The following KDM1B variants were observed in gnomAD, a reference collection of about 807,000 sequenced individuals.
The protein encoded by KDM1B is lysine demethylase 1B.
KDM1B carries 63 observed loss-of-function variants against 107.4 expected under a neutral mutation model. The ratio of observed to expected loss-of-function variants is 0.59; its 90% CI spans 0.48 to 0.72. The LOEUF is 0.72. KDM1B is among the 30% of genes least tolerant of loss of function. The pLI is 0.00. For missense variants in KDM1B, 749 were observed against 1,020.8 expected (o/e 0.73, Z 3.63); for synonymous variants, 363 against 363.9 (o/e 1.00, Z 0.03).
At position 18,187,838 on chromosome 6, in the gene KDM1B, T is replaced by C; in HGVS notation, c.620T>C (p.Leu207Pro). The C allele has an allele frequency of 6.4e-7, 1 of 1,550,530 alleles. No homozygotes were observed. The highest frequency in any genetic ancestry group is 8.7e-7 in the Non-Finnish European group (1 of 1,146,972). The change falls in exon 9 of 22, where the codon CTA becomes CCA. Residue 207 changes from leucine to proline, a missense_variant. Transcript: ENST00000650836. ...SNHWWYSMLILPPLLKDSVAA... is the reference protein window; with the variant it reads ...SNHWWYSMLIPPPLLKDSVAA... The stretch of plus-strand genomic sequence containing the variant: ...CATTGGTGGTACTCTATGCTCATCC[T>C]ACCTCCTTTGCTGAAAGACAGTGTG...
At chr6:18,195,628 G>A (rs780275498) in intron 10 of KDM1B, among the ~76,000 whole-genome samples, 2 of 151,144 alleles carry the variant, frequency 1.3e-5, no homozygotes, top group African/African-American at 2.4e-5. Context: ...CCAGCTACTT[G>A]GGAGGCTGAG....
rs1271243333 is a variant in KDM1B at position 18,212,641 on chromosome 6, T to C, written c.1983+37T>C. The C allele has an allele frequency of 7.8e-7, 1 of 1,283,760 alleles. No individual in the cohort carries two copies. Among genetic ancestry groups the C allele is most frequent in the East Asian group, 2.3e-5 (1 of 43,366 alleles). 79.5% of individuals were successfully genotyped at this position (1,283,760 alleles called of 1,614,324 possible). A position where few individuals can be genotyped will look rare whatever the true frequency, so the allele number is the denominator to read the frequency against. On this transcript the variant is annotated intron_variant, in intron 18 of 21. Coordinates refer to ENST00000650836, the MANE Select transcript of KDM1B (RefSeq NM_001364614.2). This position sits in a 1 kb window ranked among gnomAD's most constrained non-coding sequence, Gnocchi z 5.2. ...GACCTCATCCTCAGCAAGAAAGAGATTAATGTCAGATGATAGATGTTAACT... is the reference window on the plus strand; with the variant it reads ...GACCTCATCCTCAGCAAGAAAGAGACTAATGTCAGATGATAGATGTTAACT...
At chr6:18,167,797 CTG>C (rs910260664) in intron 6 of KDM1B, among the ~76,000 whole-genome samples, 15 of 151,988 alleles carry the variant, frequency 9.9e-5, no homozygotes, top group Admixed American at 5.9e-4. Context: ...GGGCCTTGCT[CTG>C]TCGTTCAGGC....
At chr6:18,170,336 G>C (rs1016595722) in intron 6 of KDM1B, among the ~76,000 whole-genome samples, 2 of 152,126 alleles carry the variant, frequency 1.3e-5, no homozygotes, top group Non-Finnish European at 2.9e-5. Flanking sequence ...CTTTGGCATA[G>C]TACTAATAAC....
At chr6:18,183,689 TC>T (rs2150894973) in intron 7 of KDM1B, among the ~76,000 whole-genome samples, 1 of 152,276 alleles carries the variant, frequency 6.6e-6, no homozygotes, top group Admixed American at 6.5e-5. Context: ...TTTATATTCC[TC>T]TTTAACTTGC....
chr6:18,214,767 G>A lies in KDM1B; in HGVS notation c.2110-240G>A, dbSNP rs1456832460. On this transcript the variant is annotated intron_variant, in intron 19 of 21. Coordinates refer to ENST00000650836, the MANE Select transcript of KDM1B (RefSeq NM_001364614.2). The surrounding 1 kb of genome is among the most constrained non-coding windows in gnomAD (Gnocchi z 4.4). ...TCTACTAAAAATACAAAAGTTAGCC[G>A]GGCATGGTGGCAGACGCCTGTAATC... 3.3e-5 allele frequency among the ~76,000 whole-genome samples: 5 copies of A among 152,108 alleles called. No individual in the cohort carries two copies. Among genetic ancestry groups the A allele is most frequent in the South Asian group, 2.1e-4 (1 of 4,828 alleles).
chr6:18,175,830 C>T (rs1582111452), intron 7 of KDM1B, among the ~76,000 whole-genome samples: 1 of 152,028 alleles, frequency 6.6e-6, no homozygotes, highest in East Asian at 1.9e-4. Context: ...GGTCTATGTG[C>T]CTATTTTTAT....
chr6:18,195,765 A>G (rs1220155716), intron 10 of KDM1B, among the ~76,000 whole-genome samples: 1 of 151,778 alleles, frequency 6.6e-6, no homozygotes, highest in Non-Finnish European at 1.5e-5. Flanking sequence ...GAAAATATGT[A>G]TACATTGTGG....
At chr6:18,165,574 G>A (rs1785244825) in intron 5 of KDM1B, among the ~76,000 whole-genome samples, 1 of 152,180 alleles carries the variant, frequency 6.6e-6, no homozygotes, top group Non-Finnish European at 1.5e-5. Context: ...TATAATCCCA[G>A]CACTTTGGAA....
rs758478690 is a variant in KDM1B, at chr6:18,209,525, G to A, written c.1866+1319G>A. 1.3e-5 allele frequency among the ~76,000 whole-genome samples: 2 copies of A among 152,198 alleles called. No homozygotes were observed. Among genetic ancestry groups the A allele is most frequent in the East Asian group, 1.9e-4 (1 of 5,200 alleles). On this transcript the variant is annotated intron_variant, in intron 17 of 21. Transcript: ENST00000650836. This position sits in a 1 kb window ranked among gnomAD's most constrained non-coding sequence, Gnocchi z 4.3. ...TTGGGCAGCAATCCCCGGGCTGCACGTCGGAACCACCTGGGAGGCGCTTAC... is the reference window on the plus strand; with the variant it reads ...TTGGGCAGCAATCCCCGGGCTGCACATCGGAACCACCTGGGAGGCGCTTAC...
At chr6:18,190,575 C>T (rs972257667) in intron 9 of KDM1B, among the ~76,000 whole-genome samples, 1 of 151,246 alleles carries the variant, frequency 6.6e-6, no homozygotes, top group East Asian at 2.0e-4. Flanking sequence ...GAACTCCAGC[C>T]AGGGCGACAG....
chr6:18,207,902 A>C (rs897220834), intron 16 of KDM1B, among the ~76,000 whole-genome samples: 1 of 152,194 alleles, frequency 6.6e-6, no homozygotes, highest in Non-Finnish European at 1.5e-5. Context: ...CCTTCACACC[A>C]TATTATAACT....
chr6:18,185,836 T>C, intron 8 of KDM1B, 26 bp downstream of exon 8: 1 of 1,606,942 alleles, frequency 6.2e-7, no homozygotes, highest in Non-Finnish European at 8.5e-7. Context: ...TGGTGTGGAT[T>C]GGGGTTAATT....
Position 18,212,216 on chromosome 6 carries a change from A to G in KDM1B, c.1867-272A>G. 1 of 376,888 alleles carries G rather than the reference A, an allele frequency of 2.7e-6. No homozygotes were observed. Among genetic ancestry groups the G allele is most frequent in the South Asian group, 2.9e-5 (1 of 34,156 alleles). The allele number at this position is 376,888 out of a possible 1,614,324, so 23.3% of individuals were successfully genotyped here. A position where few individuals can be genotyped will look rare whatever the true frequency, so the allele number is the denominator to read the frequency against. On this transcript the variant is annotated intron_variant, in intron 17 of 21. Transcript: ENST00000650836. This position sits in a 1 kb window ranked among gnomAD's most constrained non-coding sequence, Gnocchi z 5.2. ...CGCCTCGGCCTCTCAAAGTGCTGGG[A>G]TTACAGGCATGAGCCACCGCACCTG...
intron 21 of KDM1B, 141 bp downstream of exon 21, chr6:18,218,026 ATCCTCTTGC>A (rs1789383364): frequency 2.4e-6 from 2 of 836,674 alleles, no homozygotes; most frequent in Non-Finnish European, 3.7e-6. Context: ...CCTTCTCACC[ATCCTCTTGC>A]TCCCAGAGGC....
chr6:18,195,286 T>G (rs1787567952), intron 10 of KDM1B, among the ~76,000 whole-genome samples: 1 of 152,208 alleles, frequency 6.6e-6, no homozygotes, highest in Non-Finnish European at 1.5e-5. Context: ...TGGTATATAC[T>G]AAGGATTGGA....
intron 2 of KDM1B, among the ~76,000 whole-genome samples, chr6:18,156,218 G>C (rs1471075740): frequency 6.6e-6 from 1 of 152,216 alleles, no homozygotes; most frequent in Non-Finnish European, 1.5e-5. Context: ...ACTCCTCTGG[G>C]ATTGGAGACC....
chr6:18,218,023 A>G, intron 21 of KDM1B, 138 bp downstream of exon 21: 1 of 863,340 alleles, frequency 1.2e-6, no homozygotes, highest in South Asian at 1.8e-5. Context: ...AAGCCTTCTC[A>G]CCATCCTCTT....
In KDM1B at chr6:18,209,882, A is replaced by AC. The variant is rs1360885412; in HGVS notation, c.1866+1677dup. The stretch of plus-strand genomic sequence containing the variant: ...CTTAATAGGTTTTGCCTGGTGGTAA[A>AC]CAGTGTTTAAAAATACTACCTTTTA... On this transcript the variant is annotated intron_variant, in intron 17 of 21. Transcript: ENST00000650836. The surrounding 1 kb of genome is among the most constrained non-coding windows in gnomAD (Gnocchi z 4.3). Among the ~76,000 whole-genome samples the AC allele has an allele frequency of 1.3e-5, 2 of 152,082 alleles. No homozygotes were observed. The highest frequency in any genetic ancestry group is 2.9e-5 in the Non-Finnish European group (2 of 68,020).
Sources: gnomAD v4.1 joint callset for allele counts (sites outside exome capture counted in the v4.1 genomes callset) on GRCh38, gnomAD v4.1.1 for gene constraint, Gnocchi (gnomAD v3.1) non-coding constraint, MANE v1.5 for transcripts, NCBI Gene and HGNC (gene_info 2026-07-23, HGNC 2026-07-21) for gene names.